GLIS1: variants seen among roughly 807,000 people sequenced by gnomAD.
GLIS1 encodes the protein zinc finger protein GLIS1.
Under a neutral mutation model 63.8 loss-of-function variants are expected in GLIS1, and 24 were observed. The ratio of observed to expected loss-of-function variants is 0.38; its 90% CI spans 0.27 to 0.53. GLIS1 has a LOEUF of 0.53. GLIS1 is among the 20% of genes least tolerant of loss of function. The probability of loss-of-function intolerance (pLI) is 0.85; values close to 1 mark genes in which losing one functional copy is unlikely to be tolerated. For synonymous variants in GLIS1, 450 were observed against 482.5 expected, an observed-to-expected ratio of 0.93 and a Z score of 0.88; for missense variants, 1,036 against 1,074.1, an observed-to-expected ratio of 0.96 and a Z score of 0.50.
chr1:53,701,453 C>T (rs191644025), intron 2 of GLIS1, among the ~76,000 whole-genome samples: 3 of 152,316 alleles, frequency 2.0e-5, no homozygotes, highest in African/African-American at 7.2e-5. Context: ...CGCCCTCCTC[C>T]GCTGTCAAAA....
intron 4 of GLIS1, 29 bp downstream of exon 4, chr1:53,594,079 G>T: frequency 6.3e-7 from 1 of 1,580,092 alleles, no homozygotes; most frequent in Non-Finnish European, 8.6e-7. Flanking sequence ...AGGGGCTGGG[G>T]TGAGGCCTGG....
chr1:53,710,319 A>G (rs1646633403), intron 2 of GLIS1, among the ~76,000 whole-genome samples: 1 of 152,250 alleles, frequency 6.6e-6, no homozygotes, highest in African/African-American at 2.4e-5. Flanking sequence ...GCAGGGCCAT[A>G]GCGTGGAGCC....
At chr1:53,655,458 TCA>T (rs1366126333) in intron 2 of GLIS1, among the ~76,000 whole-genome samples, 1 of 152,242 alleles carries the variant, frequency 6.6e-6, no homozygotes, top group Admixed American at 6.5e-5. Context: ...TCTCCGTGTC[TCA>T]GTTTCCTCAT....
chr1:53,578,083 C>G (rs751143659), intron 4 of GLIS1, among the ~76,000 whole-genome samples: 78 of 152,194 alleles, frequency 5.1e-4, no homozygotes, highest in Non-Finnish European at 6.2e-4. Flanking sequence ...CAGTGTCACC[C>G]TCGGGGACCT....
intron 2 of GLIS1, among the ~76,000 whole-genome samples, chr1:53,723,223 A>ATTAT (rs1374115125): frequency 2.0e-5 from 3 of 149,474 alleles, no homozygotes; most frequent in Non-Finnish European, 4.4e-5. Flanking sequence ...TGTTAAGCTT[A>ATTAT]TTATTTATTT....
chr1:53,712,003 C>T (rs1435920362), intron 2 of GLIS1, among the ~76,000 whole-genome samples: 1 of 152,232 alleles, frequency 6.6e-6, no homozygotes, highest in East Asian at 1.9e-4. Context: ...CAGCTCTGTT[C>T]TCATCCTTAG....
intron 2 of GLIS1, among the ~76,000 whole-genome samples, chr1:53,611,367 G>A (rs1334960858): frequency 6.6e-6 from 1 of 152,224 alleles, no homozygotes; most frequent in Non-Finnish European, 1.5e-5. Context: ...TGGGATTGTA[G>A]GCATGAGCCA....
Position 53,506,600 on chromosome 1 carries a change from G to GGCAT in GLIS1, c.*18_*19insATGC, listed in dbSNP as rs771339944. On this transcript the variant is annotated 3_prime_UTR_variant, in exon 11 of 11. Coordinates refer to ENST00000628545, the MANE Select transcript of GLIS1 (RefSeq NM_001367484.1). ...TGGCATCTGCAGTGCTGGATGGGCA[G>GGCAT]GCGCATGTGGGGGCTCCTTCAGGTG... 3 of 1,612,184 alleles carry GGCAT rather than the reference G, an allele frequency of 1.9e-6. No individual in the cohort carries two copies. The highest frequency in any genetic ancestry group is 2.5e-6 in the Non-Finnish European group (3 of 1,179,318).
At chr1:53,509,399 T>C (rs1644273830) in intron 9 of GLIS1, 112 bp from the exon 10 acceptor site, 1 of 1,178,160 alleles carries the variant, frequency 8.5e-7, no homozygotes, top group Middle Eastern at 2.8e-4. Context: ...CCAGGCATTG[T>C]GGGTGTGAGA....
intron 2 of GLIS1, among the ~76,000 whole-genome samples, chr1:53,635,679 T>C (rs1645716028): frequency 6.6e-6 from 1 of 152,084 alleles, no homozygotes; most frequent in Non-Finnish European, 1.5e-5. Flanking sequence ...TTTGAAAAGA[T>C]GAATAAAATC....
intron 2 of GLIS1, among the ~76,000 whole-genome samples, chr1:53,660,165 G>A (rs1043640295): frequency 1.3e-5 from 2 of 152,156 alleles, no homozygotes; most frequent in African/African-American, 4.8e-5. Context: ...GGGAACATCC[G>A]AAAAGCATCA....
At chr1:53,580,737 C>T (rs1275956138) in intron 4 of GLIS1, among the ~76,000 whole-genome samples, 4 of 152,018 alleles carry the variant, frequency 2.6e-5, no homozygotes, top group African/African-American at 4.8e-5. Flanking sequence ...GAAGAGAACA[C>T]GTGCCTAACC....
chr1:53,518,874 G>C (rs1644378991), intron 7 of GLIS1, among the ~76,000 whole-genome samples: 1 of 152,254 alleles, frequency 6.6e-6, no homozygotes, highest in Admixed American at 6.5e-5. Flanking sequence ...CGGCATCTGG[G>C]AGAACAGGCT....
intron 2 of GLIS1, among the ~76,000 whole-genome samples, chr1:53,653,609 C>T (rs917612469): frequency 5.9e-5 from 9 of 152,204 alleles, no homozygotes; most frequent in Non-Finnish European, 1.3e-4. Context: ...TCCTTCCCTC[C>T]TCCCCCTCAC....
intron 2 of GLIS1, among the ~76,000 whole-genome samples, chr1:53,635,030 T>C (rs1330147009): frequency 4.6e-5 from 7 of 151,344 alleles, no homozygotes; most frequent in Non-Finnish European, 1.5e-5. Context: ...TGTAGTTGCA[T>C]GTAGAGTCAA....
chr1:53,648,113 G>A (rs896313603), intron 2 of GLIS1, among the ~76,000 whole-genome samples: 3 of 152,130 alleles, frequency 2.0e-5, no homozygotes, highest in Non-Finnish European at 4.4e-5. Context: ...GGTGGAGGCT[G>A]CAGTGAGCCG....
intron 2 of GLIS1, among the ~76,000 whole-genome samples, chr1:53,607,232 AT>A (rs1235187543): frequency 6.6e-6 from 1 of 152,180 alleles, no homozygotes; most frequent in Admixed American, 6.5e-5. Flanking sequence ...ATCTATATAC[AT>A]TTTTTGACAA....
In GLIS1 at chr1:53,701,165, A is replaced by G. The variant is rs534304624; in HGVS notation, c.259+36641T>C. On this transcript the variant is annotated intron_variant, in intron 2 of 10. Transcript: ENST00000628545. ...AGTGTAGCTGGGGGGTCAAATGGTA[A>G]CTATGTCAAATGGTAACCTTTCGAG... Among the ~76,000 whole-genome samples, 3 of 152,314 alleles carry G rather than the reference A, an allele frequency of 2.0e-5. No individual in the cohort carries two copies. The East Asian group carries it at 5.8e-4, about 29-fold the overall frequency.
chr1:53,581,993 A>T (rs1434139841), intron 4 of GLIS1, among the ~76,000 whole-genome samples: 1 of 152,214 alleles, frequency 6.6e-6, no homozygotes, highest in Non-Finnish European at 1.5e-5. Context: ...CTGAGGACTC[A>T]GAGGGGTGGG....
Sources: allele counts gnomAD v4.1 joint callset (sites outside exome capture counted in the v4.1 genomes callset), GRCh38; gene constraint gnomAD v4.1.1; transcripts MANE v1.5; gene names NCBI Gene and HGNC (gene_info 2026-07-23, HGNC 2026-07-21).